The following MCCC1 variants were observed in gnomAD, a reference collection of about 807,000 sequenced individuals.
MCCC1 encodes methylcrotonoyl-CoA carboxylase subunit alpha, mitochondrial.
A neutral mutation model predicts 83.8 loss-of-function variants in MCCC1; 64 were observed. The ratio of observed to expected loss-of-function variants is 0.76; its 90% CI spans 0.62 to 0.94. The LOEUF (loss-of-function observed/expected upper bound fraction) is 0.94. Among genes scored for constraint, MCCC1 ranks in the 40% least tolerant of loss-of-function variants. MCCC1 has a pLI of 0.00. For missense variants in MCCC1, 807 were observed against 904.7 expected, an observed-to-expected ratio of 0.89 and a Z score of 1.39; for synonymous variants, 322 against 315.4, an observed-to-expected ratio of 1.02 and a Z score of -0.22.
intron 10 of MCCC1, among the ~76,000 whole-genome samples, chr3:183,043,111 G>C (rs1393140889): frequency 1.3e-5 from 2 of 152,186 alleles, no homozygotes; most frequent in Non-Finnish European, 2.9e-5. Context: ...CCAACATGGT[G>C]AAACCCTGTC....
chr3:183,102,010 C>T (rs1719318189), upstream of MCCC1, among the ~76,000 whole-genome samples: 1 of 152,148 alleles, frequency 6.6e-6, no homozygotes, highest in Non-Finnish European at 1.5e-5. Context: ...GGACAGACTC[C>T]AGACGCGCCG....
intron 7 of MCCC1, among the ~76,000 whole-genome samples, chr3:183,063,098 C>G (rs554767668): frequency 3.9e-5 from 6 of 152,262 alleles, no homozygotes; most frequent in African/African-American, 1.4e-4. Flanking sequence ...ATTCTCCTGC[C>G]TCAGCCTCCC....
chr3:183,091,854 C>T (rs1352995053), intron 3 of MCCC1, among the ~76,000 whole-genome samples: 4 of 151,942 alleles, frequency 2.6e-5, no homozygotes, highest in Non-Finnish European at 5.9e-5. Flanking sequence ...CTGGCTAACA[C>T]GGTGAAAACC....
At chr3:183,040,866 C>T (rs1012960663) in intron 11 of MCCC1, among the ~76,000 whole-genome samples, 6 of 152,260 alleles carry the variant, frequency 3.9e-5, no homozygotes, top group Middle Eastern at 3.4e-3. Flanking sequence ...GACAGGAGAC[C>T]GTGGAGGCTC....
At chr3:183,108,368 A>G (rs1406238795) in intron 1 of MCCC1, among the ~76,000 whole-genome samples, 1 of 152,238 alleles carries the variant, frequency 6.6e-6, no homozygotes, top group Non-Finnish European at 1.5e-5. Context: ...TACCCATTTC[A>G]GTGCATCATA....
chr3:183,021,537 G>A (rs892470411), intron 16 of MCCC1, among the ~76,000 whole-genome samples: 1 of 152,188 alleles, frequency 6.6e-6, no homozygotes, highest in Non-Finnish European at 1.5e-5. Flanking sequence ...TGTTACTGCT[G>A]TTATTATTAA....
intron 3 of MCCC1, among the ~76,000 whole-genome samples, chr3:183,092,009 G>A (rs1434957004): frequency 6.6e-6 from 1 of 151,376 alleles, no homozygotes; most frequent in Non-Finnish European, 1.5e-5. Context: ...TCGGGATTGT[G>A]CCACTGCTCT....
chr3:183,107,961 T>A (rs1014960806), intron 1 of MCCC1, among the ~76,000 whole-genome samples: 1 of 152,188 alleles, frequency 6.6e-6, no homozygotes, highest in Non-Finnish European at 1.5e-5. Context: ...TAAAATCAGA[T>A]TAAATTTAAA....
Position 183,099,467 on chromosome 3 carries a change from C to G in MCCC1, c.-27G>C, listed in dbSNP as rs756137343. ...TCCCTGGAGCCCGGCCACTCCGTGA[C>G]TCCCCAGTACAGAGGCAGCTGCGTC... On this transcript the variant is annotated 5_prime_UTR_variant, in exon 1 of 19. Transcript: ENST00000265594. The G allele has an allele frequency of 4.4e-6, 7 of 1,588,692 alleles. No homozygotes were observed. Among genetic ancestry groups the G allele is most frequent in the Non-Finnish European group, 8.6e-7 (1 of 1,168,330 alleles).
Position 183,052,008 on chromosome 3 carries a change from T to G in MCCC1, c.955+151A>C, listed in dbSNP as rs570274863. 1.3e-5 allele frequency: 9 copies of G among 700,942 alleles called. No individual in the cohort carries two copies. The South Asian group carries it at 1.4e-4, about 11-fold the overall frequency. 43.4% of individuals were successfully genotyped at this position (700,942 alleles called of 1,614,324 possible). ...GTAAAAATAAACATTTATGTGTACA[T>G]ACTAAGTCTCAATATAAAATGTATT... On this transcript the variant is annotated intron_variant, in intron 9 of 18. Coordinates refer to ENST00000265594, the MANE Select transcript of MCCC1 (RefSeq NM_020166.5).
chr3:183,037,189 A>G (rs758580103), intron 13 of MCCC1, 29 bp downstream of exon 13: 1 of 1,608,034 alleles, frequency 6.2e-7, no homozygotes, highest in South Asian at 1.1e-5. Context: ...AAACTTGACA[A>G]GCAGAGGAAA....
At chr3:183,085,921 A>ACCAG (rs1338593804) in intron 4 of MCCC1, among the ~76,000 whole-genome samples, 2 of 152,158 alleles carry the variant, frequency 1.3e-5, no homozygotes, top group Non-Finnish European at 2.9e-5. Context: ...AACTCCAAGA[A>ACCAG]CCAGCCTCAT....
chr3:183,036,660 C>T (rs1713627551), intron 13 of MCCC1, among the ~76,000 whole-genome samples: 1 of 151,758 alleles, frequency 6.6e-6, no homozygotes, highest in Non-Finnish European at 1.5e-5. Flanking sequence ...TTGTCTCAGC[C>T]TCCCGAGTAG....
chr3:183,051,420 A>G (rs1358751605), intron 9 of MCCC1, among the ~76,000 whole-genome samples: 1 of 152,208 alleles, frequency 6.6e-6, no homozygotes, highest in Non-Finnish European at 1.5e-5. Flanking sequence ...CAATCGGAAA[A>G]GGCTACATAC....
At chr3:183,103,145 C>T (rs941504023), upstream of MCCC1, among the ~76,000 whole-genome samples, 6 of 150,410 alleles carry the variant, frequency 4.0e-5, no homozygotes, top group Admixed American at 2.6e-4. Context: ...TTCCTGGTCT[C>T]ACTAGCTCAG....
Position 183,043,243 on chromosome 3 carries a change from C to T in MCCC1, c.1084-1493G>A, listed in dbSNP as rs567539433. On this transcript the variant is annotated intron_variant, in intron 10 of 18. Coordinates refer to ENST00000265594, the MANE Select transcript of MCCC1 (RefSeq NM_020166.5). Reference sequence around the variant, plus strand: ...AGGTAGAGGTTGCAGTGAGCTATCACGCCATTGCACTCCAGCCTGGGCAAA... The same window carrying T: ...AGGTAGAGGTTGCAGTGAGCTATCATGCCATTGCACTCCAGCCTGGGCAAA... Among the ~76,000 whole-genome samples the T allele has an allele frequency of 1.2e-4, 18 of 152,320 alleles. No homozygotes were observed. The South Asian group carries it at 1.9e-3, about 16-fold the overall frequency.
intron 5 of MCCC1, among the ~76,000 whole-genome samples, 154 bp downstream of exon 5, chr3:183,072,212 A>G (rs1716749661): frequency 6.6e-6 from 1 of 151,884 alleles, no homozygotes; most frequent in Admixed American, 6.6e-5. Context: ...AGGTCTCACT[A>G]AGTTGCCCAG....
intron 4 of MCCC1, among the ~76,000 whole-genome samples, chr3:183,078,231 G>A (rs1717225445): frequency 6.6e-6 from 1 of 152,170 alleles, no homozygotes; most frequent in Admixed American, 6.5e-5. Flanking sequence ...TGTTGGCCAG[G>A]CTGGTCTTGA....
intron 1 of MCCC1, among the ~76,000 whole-genome samples, chr3:183,114,617 A>C (rs1279719385): frequency 6.6e-6 from 1 of 152,206 alleles, no homozygotes; most frequent in East Asian, 1.9e-4. Context: ...AAGAAGAAGT[A>C]AGACAGTATT....
Sources: gnomAD v4.1 joint callset for allele counts (sites outside exome capture counted in the v4.1 genomes callset) on GRCh38, gnomAD v4.1.1 for gene constraint, MANE v1.5 for transcripts, NCBI Gene and HGNC (gene_info 2026-07-23, HGNC 2026-07-21) for gene names.